PPP6C: variants seen among roughly 807,000 people sequenced by gnomAD.
The protein encoded by PPP6C is serine/threonine-protein phosphatase 6 catalytic subunit.
Under a neutral mutation model 39.8 loss-of-function variants are expected in PPP6C, and 11 were observed. The ratio of observed to expected loss-of-function variants is 0.28; its 90% CI spans 0.17 to 0.46. The LOEUF (loss-of-function observed/expected upper bound fraction) is 0.46, where lower values mean the gene tolerates loss of function less well. Ranked by LOEUF, PPP6C falls within the 20% of genes least tolerant of loss-of-function variation. The probability of loss-of-function intolerance (pLI) is 1.00; values close to 1 mark genes in which losing one functional copy is unlikely to be tolerated. For missense variants in PPP6C, 211 were observed against 373.9 expected, an observed-to-expected ratio of 0.56 and a Z score of 3.59; for synonymous variants, 129 against 130.3, an observed-to-expected ratio of 0.99 and a Z score of 0.07.
chr9:125,166,529 C>CT lies in PPP6C; in HGVS notation c.171+4555dup, dbSNP rs1196980211. Among the ~76,000 whole-genome samples, 216 of 125,774 alleles carry CT rather than the reference C, an allele frequency of 1.7e-3. 1 individual carries two copies. Among genetic ancestry groups the CT allele is most frequent in the Non-Finnish European group, 2.7e-3 (158 of 59,074 alleles). The allele number at this position is 125,774 out of a possible 152,430, so 82.5% of individuals were successfully genotyped here. A position where few individuals can be genotyped will look rare whatever the true frequency, so the allele number is the denominator to read the frequency against. On this transcript the variant is annotated intron_variant, in intron 2 of 6. Coordinates refer to ENST00000373547, the MANE Select transcript of PPP6C (RefSeq NM_002721.5). ...CTCAAAGAATTTCACAAGTATTTTTCTTTTTCTTTTTTTTTTTTTTTTTAG... is the reference window on the plus strand; with the variant it reads ...CTCAAAGAATTTCACAAGTATTTTTCTTTTTTCTTTTTTTTTTTTTTTTTAG...
chr9:125,172,078 T>C, intron 1 of PPP6C: 1 of 375,740 alleles, frequency 2.7e-6, no homozygotes, highest in South Asian at 2.0e-5. Flanking sequence ...GTAATACTAC[T>C]CAGCAATAAA....
intron 2 of PPP6C, among the ~76,000 whole-genome samples, chr9:125,170,241 C>CTT (rs560169677): frequency 2.1e-5 from 3 of 140,680 alleles, no homozygotes; most frequent in Admixed American, 7.1e-5. Flanking sequence ...CTTTGAAATT[C>CTT]TTTTTTTTTT....
intron 3 of PPP6C, among the ~76,000 whole-genome samples, chr9:125,159,036 GTT>G (rs1176354960): frequency 1.3e-4 from 15 of 117,966 alleles, no homozygotes; most frequent in Non-Finnish European, 2.3e-4. Context: ...TATTTTTTAA[GTT>G]TTTTTTTTTT....
chr9:125,187,987 T>G (rs762728226), intron 1 of PPP6C, among the ~76,000 whole-genome samples: 1 of 152,070 alleles, frequency 6.6e-6, no homozygotes, highest in Non-Finnish European at 1.5e-5. Flanking sequence ...CAACAGCACG[T>G]GTGGCCTCAA....
At chr9:125,178,062 A>G (rs1423429658) in intron 1 of PPP6C, among the ~76,000 whole-genome samples, 3 of 152,214 alleles carry the variant, frequency 2.0e-5, no homozygotes, top group African/African-American at 7.2e-5. Flanking sequence ...AGTGAAGGAC[A>G]TCTTGGTTCC....
chr9:125,151,736 G>A (rs1466481168), intron 6 of PPP6C: 11 of 387,642 alleles, frequency 2.8e-5, no homozygotes, highest in African/African-American at 1.5e-4. Flanking sequence ...GAGCTTATCC[G>A]AAATGAAGAA....
At chr9:125,188,137 G>A (rs1829571307) in intron 1 of PPP6C, among the ~76,000 whole-genome samples, 1 of 152,336 alleles carries the variant, frequency 6.6e-6, no homozygotes, top group African/African-American at 2.4e-5. Flanking sequence ...TGTAATCCCA[G>A]CACTTTGGGA....
Position 125,158,296 on chromosome 9 carries a change from T to C in PPP6C, c.324A>G (p.Thr108=). 1 of 1,611,814 alleles carries C rather than the reference T, an allele frequency of 6.2e-7. No homozygotes were observed. The highest frequency in any genetic ancestry group is 8.5e-7 in the Non-Finnish European group (1 of 1,177,964). Reference sequence around the variant, plus strand: ...TACTCTCATGATTTCCTCGCAAAAGTGTAATACGATCAGGCCATTTAGCCT... The same window carrying C: ...TACTCTCATGATTTCCTCGCAAAAGCGTAATACGATCAGGCCATTTAGCCT... The part of the protein sequence containing the change: ...ALKAKWPDRI[T]LLRGNHESRQ... The change falls in exon 4 of 7, where the codon ACA becomes ACG. Residue 108 remains threonine, a synonymous_variant. Transcript: ENST00000373547.
rs1338545721 is a variant in PPP6C at position 125,146,923 on chromosome 9, G to A, written c.*2750C>T. Reference sequence around the variant, plus strand: ...CAGGCATTTTCCAAAACCTGGTTCTGGGCTTACAAAGCACACACACACAAA... The same window carrying A: ...CAGGCATTTTCCAAAACCTGGTTCTAGGCTTACAAAGCACACACACACAAA... On this transcript the variant is annotated 3_prime_UTR_variant, in exon 7 of 7. Transcript: ENST00000373547. 1 of 152,108 alleles carries A rather than the reference G, an allele frequency of 6.6e-6. No individual in the cohort carries two copies. Among genetic ancestry groups the A allele is most frequent in the East Asian group, 1.9e-4 (1 of 5,200 alleles). 9.4% of individuals were successfully genotyped at this position (152,108 alleles called of 1,614,324 possible). A position where few individuals can be genotyped will look rare whatever the true frequency, so the allele number is the denominator to read the frequency against.
chr9:125,183,000 C>A (rs1339663728), intron 1 of PPP6C, among the ~76,000 whole-genome samples: 1 of 152,086 alleles, frequency 6.6e-6, no homozygotes, highest in Non-Finnish European at 1.5e-5. Context: ...ATCTCAATGT[C>A]TTAGCTTGGC....
intron 1 of PPP6C, among the ~76,000 whole-genome samples, chr9:125,182,914 T>C (rs1829448279): frequency 6.6e-6 from 1 of 151,918 alleles, no homozygotes; most frequent in African/African-American, 2.4e-5. Context: ...GAACAGTGTT[T>C]AGAGCACATT....
At chr9:125,164,388 G>A (rs1828967872) in intron 2 of PPP6C, among the ~76,000 whole-genome samples, 2 of 150,248 alleles carry the variant, frequency 1.3e-5, no homozygotes, top group Non-Finnish European at 3.0e-5. Flanking sequence ...CACTACACCT[G>A]CCTAATTTTT....
chr9:125,174,556 T>C (rs1829253152), intron 1 of PPP6C, among the ~76,000 whole-genome samples: 1 of 151,944 alleles, frequency 6.6e-6, no homozygotes, highest in South Asian at 2.1e-4. Context: ...CACACCTATA[T>C]GCTTCAACAA....
Position 125,149,529 on chromosome 9 carries a change from A to G in PPP6C, c.*144T>C. Reference sequence around the variant, plus strand: ...ACACCACAACAAACAATAAATTTAGATAATTTAAAATTTAAAAAAAAAAAG... The same window carrying G: ...ACACCACAACAAACAATAAATTTAGGTAATTTAAAATTTAAAAAAAAAAAG... On this transcript the variant is annotated 3_prime_UTR_variant, in exon 7 of 7. Coordinates refer to ENST00000373547, the MANE Select transcript of PPP6C (RefSeq NM_002721.5). 1 of 1,017,758 alleles carries G rather than the reference A, an allele frequency of 9.8e-7. No individual in the cohort carries two copies. Among genetic ancestry groups the G allele is most frequent in the Non-Finnish European group, 1.4e-6 (1 of 719,434 alleles). The allele number at this position is 1,017,758 out of a possible 1,614,324, so 63.0% of individuals were successfully genotyped here.
At chr9:125,160,729 T>C (rs1828849234) in intron 3 of PPP6C, 112 bp downstream of exon 3, 4 of 709,060 alleles carry the variant, frequency 5.6e-6, no homozygotes, top group Non-Finnish European at 8.6e-6. Context: ...CATCTTTTAA[T>C]ATACTGAAAT....
chr9:125,153,011 A>T (rs1056156812), intron 6 of PPP6C, among the ~76,000 whole-genome samples: 1 of 150,962 alleles, frequency 6.6e-6, no homozygotes, highest in Non-Finnish European at 1.5e-5. Context: ...GGTGGCTCAC[A>T]CCTATAATCC....
At chr9:125,150,588 T>C in intron 6 of PPP6C, 1 of 766,350 alleles carries the variant, frequency 1.3e-6, no homozygotes, top group South Asian at 1.3e-5. Flanking sequence ...CCGACTTTGG[T>C]TGCAGTCTCT....
chr9:125,178,474 AT>A (rs996789280), intron 1 of PPP6C, among the ~76,000 whole-genome samples: 1 of 151,998 alleles, frequency 6.6e-6, no homozygotes, highest in African/African-American at 2.4e-5. Context: ...TCTTTTGTCC[AT>A]TTTTTTGGCA....
intron 2 of PPP6C, among the ~76,000 whole-genome samples, chr9:125,167,715 ATTTTT>A (rs879449302): frequency 1.4e-5 from 2 of 141,190 alleles, no homozygotes; most frequent in African/African-American, 5.2e-5. Flanking sequence ...AAAAAAAAAA[ATTTTT>A]TTTTTTTAGA....
Sources: allele counts gnomAD v4.1 joint callset (sites outside exome capture counted in the v4.1 genomes callset), GRCh38; gene constraint gnomAD v4.1.1; transcripts MANE v1.5; gene names NCBI Gene and HGNC (gene_info 2026-07-23, HGNC 2026-07-21).